HSF2BP: variants seen among roughly 807,000 people sequenced by gnomAD.
The protein encoded by HSF2BP is heat shock factor 2-binding protein.
In HSF2BP, 35 loss-of-function variants were observed where a neutral mutation model predicts 35.0. The ratio of observed to expected loss-of-function variants is 1.00; its 90% CI spans 0.76 to 1.32. HSF2BP has a LOEUF of 1.32. HSF2BP is among the 40% of genes most tolerant of loss of function. HSF2BP has a pLI of 0.00. For missense variants in HSF2BP, 326 were observed against 321.7 expected (o/e 1.01, Z -0.10); for synonymous variants, 114 against 117.4 (o/e 0.97, Z 0.18).
intron 7 of HSF2BP, among the ~76,000 whole-genome samples, chr21:43,596,886 CAAAAAAA>C (rs869038891): frequency 3.3e-5 from 1 of 30,666 alleles, no homozygotes; most frequent in Non-Finnish European, 6.2e-5. Flanking sequence ...GACCCTGTCT[CAAAAAAA>C]AAAAAAAAAA....
chr21:43,467,932 C>CACAT, the HSF2BP span, among the ~76,000 whole-genome samples: 42 of 86,682 alleles, frequency 4.8e-4, no homozygotes, highest in African/African-American at 1.9e-3. Context: ...CACCACACAC[C>CACAT]ACACACACAC....
At chr21:43,604,429 C>T (rs1270426705) in intron 7 of HSF2BP, among the ~76,000 whole-genome samples, 3 of 138,414 alleles carry the variant, frequency 2.2e-5, no homozygotes, top group African/African-American at 2.8e-5. Flanking sequence ...CCACACACCA[C>T]ACCACACACA....
At chr21:43,647,373 C>A (rs1305980034) in intron 3 of HSF2BP, among the ~76,000 whole-genome samples, 2 of 152,008 alleles carry the variant, frequency 1.3e-5, no homozygotes, top group Non-Finnish European at 1.5e-5. Context: ...ACTACAGGCG[C>A]CTGCCACCAA....
At chr21:43,576,073 G>A (rs1455897915) in intron 8 of HSF2BP, among the ~76,000 whole-genome samples, 6 of 149,076 alleles carry the variant, frequency 4.0e-5, no homozygotes, top group South Asian at 4.2e-4. Context: ...AGCCAAGATC[G>A]CGCAACTGCA....
chr21:43,580,378 G>A (rs552397649), intron 8 of HSF2BP, among the ~76,000 whole-genome samples: 1 of 152,230 alleles, frequency 6.6e-6, no homozygotes, highest in Middle Eastern at 3.4e-3. Context: ...GACATATGCA[G>A]GCCAAATGTT....
chr21:43,656,860 CTACTG>C, intron 2 of HSF2BP, 123 bp from the exon 3 acceptor site: 1 of 751,400 alleles, frequency 1.3e-6, no homozygotes, highest in Non-Finnish European at 2.2e-6. Context: ...ATGTCTCTAC[CTACTG>C]TATATTCTGC....
Position 43,659,455 on chromosome 21 carries a change from C to G in HSF2BP, c.-294G>C, listed in dbSNP as rs1267164915. On this transcript the variant is annotated 5_prime_UTR_variant, in exon 1 of 9. Coordinates refer to ENST00000291560, the MANE Select transcript of HSF2BP (RefSeq NM_007031.2). This position sits in a 1 kb window ranked among gnomAD's most constrained non-coding sequence, Gnocchi z 4.2. ...GGCGCCACGTGCACACGGGCTGGGC[C>G]GCTCCGCCAGCTGCCAGGGCCACTG... The G allele has an allele frequency of 3.0e-6, 1 of 329,980 alleles. No homozygotes were observed. Among genetic ancestry groups the G allele is most frequent in the Non-Finnish European group, 4.9e-6 (1 of 205,524 alleles). The allele number at this position is 329,980 out of a possible 1,614,324, so 20.4% of individuals were successfully genotyped here.
At chr21:43,649,268 T>A (rs114995290) in intron 3 of HSF2BP, among the ~76,000 whole-genome samples, 6,179 of 151,582 alleles carry the variant, frequency 0.041, 431 homozygotes, top group African/African-American at 0.14. Flanking sequence ...TGAAAAAAAA[T>A]TTTTAAATAC....
chr21:43,619,740 T>C (rs1456207879), intron 6 of HSF2BP, among the ~76,000 whole-genome samples: 1 of 152,234 alleles, frequency 6.6e-6, no homozygotes, highest in African/African-American at 2.4e-5. Flanking sequence ...TGTAAGTACC[T>C]GAAGGGAAAC....
At chr21:43,635,083 A>G (rs1364496113) in intron 4 of HSF2BP, among the ~76,000 whole-genome samples, 1 of 152,184 alleles carries the variant, frequency 6.6e-6, no homozygotes, top group Non-Finnish European at 1.5e-5. Context: ...AATATCAAAA[A>G]AAAAACAAAC....
chr21:43,648,356 G>A (rs1031059362), intron 3 of HSF2BP, among the ~76,000 whole-genome samples: 2 of 152,160 alleles, frequency 1.3e-5, no homozygotes, highest in Non-Finnish European at 2.9e-5. Flanking sequence ...TCCCTGCTGG[G>A]CTTCATCCTC....
intron 6 of HSF2BP, among the ~76,000 whole-genome samples, chr21:43,624,129 C>T (rs1039803304): frequency 6.6e-6 from 1 of 152,162 alleles, no homozygotes; most frequent in Non-Finnish European, 1.5e-5. Context: ...TATTCCACCC[C>T]GAGGTAGATA....
At chr21:43,578,598 T>C (rs1265793773) in intron 8 of HSF2BP, among the ~76,000 whole-genome samples, 1 of 152,222 alleles carries the variant, frequency 6.6e-6, no homozygotes, top group Non-Finnish European at 1.5e-5. Context: ...AGCTCGGCAC[T>C]GTACCACCCT....
intron 7 of HSF2BP, among the ~76,000 whole-genome samples, chr21:43,595,187 A>C (rs2081969774): frequency 6.6e-6 from 1 of 152,190 alleles, no homozygotes; most frequent in South Asian, 2.1e-4. Context: ...TCTTGAATGC[A>C]GGAGGCAGAG....
chr21:43,588,147 G>A (rs1601627010), intron 8 of HSF2BP, among the ~76,000 whole-genome samples: 4 of 152,304 alleles, frequency 2.6e-5, no homozygotes, highest in Admixed American at 2.6e-4. Context: ...AGAGGCCGAG[G>A]CGGGTGGATC....
chr21:43,592,431 C>T (rs1337050147), intron 7 of HSF2BP, 103 bp from the exon 8 acceptor site: 1 of 710,794 alleles, frequency 1.4e-6, no homozygotes. Context: ...TAGAGCTTCC[C>T]TCACATTTTA....
chr21:43,628,080 C>T (rs536304936), intron 6 of HSF2BP, among the ~76,000 whole-genome samples: 2 of 152,168 alleles, frequency 1.3e-5, no homozygotes, highest in Non-Finnish European at 2.9e-5. Flanking sequence ...TAGGAACTTG[C>T]TATTCCCTGA....
chr21:43,641,818 C>T (rs1000278958), intron 4 of HSF2BP, among the ~76,000 whole-genome samples: 1 of 150,650 alleles, frequency 6.6e-6, no homozygotes, highest in Non-Finnish European at 1.5e-5. Flanking sequence ...CATGGTGGCA[C>T]GTGCCTGTAA....
At chr21:43,611,084 T>A (rs9981460) in intron 7 of HSF2BP, among the ~76,000 whole-genome samples, 103,742 of 151,874 alleles carry the variant, frequency 0.68, 35,897 homozygotes, top group East Asian at 0.79. Flanking sequence ...AAAAAATTTT[T>A]AAAATTTAAC....
Sources: allele counts gnomAD v4.1 joint callset (sites outside exome capture counted in the v4.1 genomes callset), GRCh38; gene constraint gnomAD v4.1.1; non-coding constraint Gnocchi (gnomAD v3.1); transcripts MANE v1.5; gene names NCBI Gene and HGNC (gene_info 2026-07-23, HGNC 2026-07-21).